Variants in COL20A1 observed in about 807,000 individuals in gnomAD.
COL20A1 encodes the protein collagen type XX alpha 1 chain.
A neutral mutation model predicts 152.9 loss-of-function variants in COL20A1; 164 were observed. That is an observed-to-expected ratio of 1.07 (90% CI 0.94 to 1.22). The LOEUF (loss-of-function observed/expected upper bound fraction) is 1.22, where lower values mean the gene tolerates loss of function less well. Among genes scored for constraint, COL20A1 ranks in the 50% most tolerant of loss-of-function variants. The probability of loss-of-function intolerance (pLI) is 0.00; values close to 1 mark genes in which losing one functional copy is unlikely to be tolerated. For missense variants in COL20A1, 1,873 were observed against 1,744.8 expected (o/e 1.07, Z -1.31); for synonymous variants, 864 against 756.0 (o/e 1.14, Z -2.34).
At chr20:63,326,354 G>A (rs536217368) in intron 30 of COL20A1, among the ~76,000 whole-genome samples, 3 of 152,300 alleles carry the variant, frequency 2.0e-5, no homozygotes, top group East Asian at 1.9e-4. Context: ...CCCAAGTGAG[G>A]GCTCTGTGCT....
chr20:63,313,053 G>T lies in COL20A1; in HGVS notation c.2077-64G>T, dbSNP rs1405625159. The T allele has an allele frequency of 6.4e-7, 1 of 1,560,524 alleles. No homozygotes were observed. Among genetic ancestry groups the T allele is most frequent in the Non-Finnish European group, 8.7e-7 (1 of 1,151,568 alleles). On this transcript the variant is annotated intron_variant, in intron 16 of 35. Coordinates refer to ENST00000358894, the MANE Select transcript of COL20A1 (RefSeq NM_020882.4). The surrounding 1 kb of genome is among the most constrained non-coding windows in gnomAD (Gnocchi z 5.9). ...CCCTGTCTCCCAGGGATGCCTCACT[G>T]CCCGGCCCCCCAACCTGAGGACCCC...
At chr20:63,303,904 T>C (rs1372988969) in intron 3 of COL20A1, among the ~76,000 whole-genome samples, 1 of 145,962 alleles carries the variant, frequency 6.9e-6, no homozygotes, top group Non-Finnish European at 1.5e-5. Context: ...TCCCTGCAGG[T>C]GTGCAGGTGT....
At chr20:63,327,643 T>C (rs997662717) in intron 31 of COL20A1, 12 of 447,896 alleles carry the variant, frequency 2.7e-5, no homozygotes, top group Non-Finnish European at 3.7e-5. Context: ...GGGTCTGTTC[T>C]CTGGGCAGTG....
In COL20A1 at chr20:63,316,638, T is replaced by G; in HGVS notation, c.2610T>G (p.Gly870=). ...RGVAMEPSAF[G]GTPTFTLFKD... ...TGGCCATGGAGCCCTCTGCCTTCGG[T>G]GGGACCCCGACCTTCACGCTCTTCA... Residue 870 remains glycine, a synonymous_variant, in exon 21 of 36, where the codon GGT becomes GGG. Transcript: ENST00000358894. 6.3e-7 allele frequency: 1 copy of G among 1,578,366 alleles called. No homozygotes were observed. Among genetic ancestry groups the G allele is most frequent in the Non-Finnish European group, 8.6e-7 (1 of 1,162,752 alleles).
chr20:63,327,088 C>CCCAGGGACTTCCTGTTGACTG, intron 31 of COL20A1: 1 of 406,440 alleles, frequency 2.5e-6, no homozygotes, highest in Non-Finnish European at 4.4e-6. Context: ...CTGTCGCTCT[C>CCCAGGGACTTCCTGTTGACTG]CCAGGGACTT....
chr20:63,328,144 G>A lies in COL20A1; in HGVS notation c.3613+17G>A. ...GCCAGGCCTGTGAGTCTGCCATTCAGAGTGAGTGAGGCCAGCAGCCCTGCA... is the reference window on the plus strand; with the variant it reads ...GCCAGGCCTGTGAGTCTGCCATTCAAAGTGAGTGAGGCCAGCAGCCCTGCA... On this transcript the variant is annotated intron_variant, in intron 33 of 35. Coordinates refer to ENST00000358894, the MANE Select transcript of COL20A1 (RefSeq NM_020882.4). 1 of 1,612,760 alleles carries A rather than the reference G, an allele frequency of 6.2e-7. No homozygotes were observed. Among genetic ancestry groups the A allele is most frequent in the Admixed American group, 1.7e-5 (1 of 59,978 alleles).
chr20:63,329,159 G>T, intron 34 of COL20A1: 1 of 195,784 alleles, frequency 5.1e-6, no homozygotes, highest in Admixed American at 5.3e-5. Flanking sequence ...TCCCACAGAC[G>T]TCTCAGGAAA....
chr20:63,320,873 C>T, intron 25 of COL20A1, 140 bp from the exon 26 acceptor site: 1 of 653,942 alleles, frequency 1.5e-6, no homozygotes, highest in Non-Finnish European at 2.6e-6. Flanking sequence ...CACTTGGGCC[C>T]CTGACCTTCG....
chr20:63,325,182 T>G, intron 27 of COL20A1: 1 of 649,620 alleles, frequency 1.5e-6, no homozygotes, highest in South Asian at 1.6e-5. Context: ...CCCAGAGGGC[T>G]GGGAGGGCTG....
At chr20:63,296,243 C>T (rs995522286) in intron 2 of COL20A1, among the ~76,000 whole-genome samples, 1 of 152,260 alleles carries the variant, frequency 6.6e-6, no homozygotes, top group Non-Finnish European at 1.5e-5. Context: ...TGCCCTGGGG[C>T]CAGTGGGGGC....
At position 63,327,787 on chromosome 20, in the gene COL20A1, G is replaced by A. The variant is rs2068273502; in HGVS notation, c.3529-165G>A. On this transcript the variant is annotated intron_variant, in intron 31 of 35. Transcript: ENST00000358894. ...CATGCCTGCTCTCGGGTGCAGGCGAGGACCACAGGCTCCTAGGATCTGGGA... is the reference window on the plus strand; with the variant it reads ...CATGCCTGCTCTCGGGTGCAGGCGAAGACCACAGGCTCCTAGGATCTGGGA... 4.4e-6 allele frequency: 3 copies of A among 682,880 alleles called. No homozygotes were observed. The African/African-American group carries it at 5.4e-5, about 12-fold the overall frequency. 42.3% of individuals were successfully genotyped at this position (682,880 alleles called of 1,614,324 possible).
chr20:63,308,582 G>A lies in COL20A1; in HGVS notation c.816G>A (p.Pro272=), dbSNP rs375403697. ...ACGTGCTGGGGCAGAACCTGCAGCC[G>A]GCGGCTGGCCTCCGTCCAGAGGCAG... The part of the protein sequence containing the change: ...LTHVLGQNLQ[P]AAGLRPEAAK... Residue 272 remains proline (P), a synonymous_variant, in exon 8 of 36, where the codon CCG becomes CCA. Transcript: ENST00000358894. The A allele has an allele frequency of 1.3e-4, 211 of 1,605,064 alleles. No homozygotes were observed. The highest frequency in any genetic ancestry group is 1.6e-4 in the Non-Finnish European group (189 of 1,176,616).
rs909979697 is a variant in COL20A1 at position 63,319,669 on chromosome 20, C to T, written c.2916+73C>T. The T allele has an allele frequency of 1.7e-5, 17 of 997,558 alleles. No homozygotes were observed. The highest frequency in any genetic ancestry group is 4.3e-5 in the South Asian group (3 of 69,742). 61.8% of individuals were successfully genotyped at this position (997,558 alleles called of 1,614,324 possible). On this transcript the variant is annotated intron_variant, in intron 23 of 35. Coordinates refer to ENST00000358894, the MANE Select transcript of COL20A1 (RefSeq NM_020882.4). This position sits in a 1 kb window ranked among gnomAD's most constrained non-coding sequence, Gnocchi z 4.4. ...GCAGCCCAGCCCCACAGGGACCTGC[C>T]GGATGCCAACTCCTCTCCCTAGGAG...
intron 34 of COL20A1, 100 bp downstream of exon 34, chr20:63,328,598 A>G: frequency 1.7e-6 from 2 of 1,164,848 alleles, no homozygotes; most frequent in Non-Finnish European, 2.4e-6. Flanking sequence ...TCAGCACAGC[A>G]GCTCCTGCTG....
chr20:63,304,186 T>C (rs1601407788), intron 3 of COL20A1, among the ~76,000 whole-genome samples: 13 of 107,480 alleles, frequency 1.2e-4, no homozygotes, highest in Non-Finnish European at 1.7e-4. Context: ...CCTCCAGGTG[T>C]GCATGTGTGG....
At position 63,322,065 on chromosome 20, in the gene COL20A1, C is replaced by A; in HGVS notation, c.3248C>A (p.Pro1083His). 1 of 1,508,144 alleles carries A rather than the reference C, an allele frequency of 6.6e-7. No individual in the cohort carries two copies. The highest frequency in any genetic ancestry group is 1.3e-5 in the South Asian group (1 of 77,644). 93.4% of individuals were successfully genotyped at this position (1,508,144 alleles called of 1,614,324 possible). A position where few individuals can be genotyped will look rare whatever the true frequency, so the allele number is the denominator to read the frequency against. ...PPGPQGPPGL[P>H]GRNGTPGEQG... ...CTGTTTGTGCCTCTGCAGGGCCTCC[C>A]TGGGAGGAATGGCACCCCAGGAGAG... The change falls in exon 27 of 36, where the codon CCT (proline) becomes CAT (histidine). Residue 1083 changes from proline to histidine, a missense_variant. Pro to His is a moderately conservative substitution (Grantham distance 77). Transcript: ENST00000358894.
Position 63,309,367 on chromosome 20 carries a change from C to T in COL20A1, c.975C>T (p.Leu325=), listed in dbSNP as rs1211012873. 4.6e-6 allele frequency: 7 copies of T among 1,533,644 alleles called. No homozygotes were observed. In the South Asian group the frequency reaches 6.0e-5, roughly 13 times the overall value. Residue 325 remains leucine (L), a synonymous_variant, in exon 9 of 36, where the codon CTC becomes CTT. Transcript: ENST00000358894. Reference sequence around the variant, plus strand: ...ACGCCGATGAGGCTGAGCTGAGGCTCCTGGCGTCCCCGCCGAGGGACATCA... The same window carrying T: ...ACGCCGATGAGGCTGAGCTGAGGCTTCTGGCGTCCCCGCCGAGGGACATCA... ...VKNADEAELR[L]LASPPRDITV... is the part of the protein sequence containing the mutation.
chr20:63,320,919 T>A, intron 25 of COL20A1, 94 bp from the exon 26 acceptor site: 4 of 968,810 alleles, frequency 4.1e-6, no homozygotes, highest in Non-Finnish European at 6.2e-6. Context: ...GAAGTCTCCC[T>A]GGAGCCCAGG....
Position 63,319,050 on chromosome 20 carries a change from C to A in COL20A1, c.2664-8C>A, listed in dbSNP as rs1196567366. The A allele has an allele frequency of 3.1e-6, 5 of 1,597,110 alleles. No individual in the cohort carries two copies. The highest frequency in any genetic ancestry group is 3.3e-4 in the Middle Eastern group (2 of 6,036). On this transcript the variant is annotated splice_polypyrimidine_tract_variant and splice_region_variant and intron_variant, in intron 21 of 35. Coordinates refer to ENST00000358894, the MANE Select transcript of COL20A1 (RefSeq NM_020882.4). This position sits in a 1 kb window ranked among gnomAD's most constrained non-coding sequence, Gnocchi z 4.4. ...CTCATGTGCCTCTCCCTCCCCCAAC[C>A]CCCACAGTGACGTCTACCCAGCCCC...
Sources: allele counts gnomAD v4.1 joint callset (sites outside exome capture counted in the v4.1 genomes callset), GRCh38; gene constraint gnomAD v4.1.1; non-coding constraint Gnocchi (gnomAD v3.1); transcripts MANE v1.5; gene names NCBI Gene and HGNC (gene_info 2026-07-23, HGNC 2026-07-21).